Variants in HS6ST3 observed in about 807,000 individuals in gnomAD.
HS6ST3 encodes the protein heparan sulfate 6-O-sulfotransferase 3.
In HS6ST3, 12 loss-of-function variants were observed where a neutral mutation model predicts 36.7. The observed-to-expected ratio is 0.33, with a 90% CI of 0.21 to 0.53. HS6ST3 has a LOEUF of 0.53. HS6ST3 is among the 20% of genes least tolerant of loss of function. The pLI, the probability that HS6ST3 is intolerant of heterozygous loss-of-function variation, is 0.95. For missense variants in HS6ST3, 584 were observed against 640.9 expected (o/e 0.91, Z 0.96); for synonymous variants, 240 against 257.5 (o/e 0.93, Z 0.65).
chr13:96,791,606 A>G (rs942389753), intron 1 of HS6ST3, among the ~76,000 whole-genome samples: 5 of 152,062 alleles, frequency 3.3e-5, no homozygotes, highest in African/African-American at 1.2e-4. Flanking sequence ...CCCCATTGTC[A>G]TTCTCATGTG....
At chr13:96,383,704 G>A (rs2055353368) in intron 1 of HS6ST3, among the ~76,000 whole-genome samples, 1 of 138,252 alleles carries the variant, frequency 7.2e-6, no homozygotes. Flanking sequence ...GTTCTGCAAG[G>A]GGACCCCCTC....
Position 96,282,607 on chromosome 13 carries a change from A to T in HS6ST3, c.707+191038A>T, listed in dbSNP as rs766741849. The stretch of plus-strand genomic sequence containing the variant: ...CGTACAATATCTCATTAAAATATTT[A>T]GTTTATTCTATTTCTAAATACAATA... On this transcript the variant is annotated intron_variant, in intron 1 of 1. Transcript: ENST00000376705. 9.2e-5 allele frequency among the ~76,000 whole-genome samples: 14 copies of T among 152,154 alleles called. 1 individual carries two copies. Among genetic ancestry groups the T allele is most frequent in the Non-Finnish European group, 1.9e-4 (13 of 68,012 alleles).
intron 1 of HS6ST3, among the ~76,000 whole-genome samples, chr13:96,448,937 T>C (rs1025480416): frequency 6.6e-6 from 1 of 152,076 alleles, no homozygotes; most frequent in Non-Finnish European, 1.5e-5. Context: ...TCATTTTGTC[T>C]CACCTTTGGC....
rs113506669 is a variant in HS6ST3 at position 96,474,157 on chromosome 13, C to A, written c.708-358333C>A. On this transcript the variant is annotated intron_variant, in intron 1 of 1. Transcript: ENST00000376705. ...GAATCCTCTTCATTTTATGTACCCC[C>A]CTCCTTCAATTTTTTTCCTCTGTTG... 3.0e-4 allele frequency among the ~76,000 whole-genome samples: 46 copies of A among 152,250 alleles called. 2 individuals carry two copies. The Middle Eastern group carries it at 0.034, about 113-fold the overall frequency.
intron 1 of HS6ST3, among the ~76,000 whole-genome samples, chr13:96,739,139 C>A (rs1172584124): frequency 6.6e-6 from 1 of 151,366 alleles, no homozygotes; most frequent in Non-Finnish European, 1.5e-5. Context: ...GCTTTTTCCT[C>A]CTATCCCTTT....
At chr13:96,347,788 A>G (rs376075002) in intron 1 of HS6ST3, among the ~76,000 whole-genome samples, 2 of 151,896 alleles carry the variant, frequency 1.3e-5, no homozygotes, top group East Asian at 3.9e-4. Context: ...GTCGAATGAT[A>G]CTCTCCAGGT....
intron 1 of HS6ST3, among the ~76,000 whole-genome samples, chr13:96,387,281 A>C (rs1417401530): frequency 6.6e-6 from 1 of 152,156 alleles, no homozygotes; most frequent in Non-Finnish European, 1.5e-5. Flanking sequence ...TAAAAACTTG[A>C]ACACTGTGGA....
chr13:96,680,294 C>T (rs559595998), intron 1 of HS6ST3, among the ~76,000 whole-genome samples: 22 of 152,242 alleles, frequency 1.4e-4, no homozygotes, highest in African/African-American at 5.3e-4. Flanking sequence ...AATCCCTCCA[C>T]TCAACCCAAA....
At chr13:96,374,934 G>T (rs944916632) in intron 1 of HS6ST3, among the ~76,000 whole-genome samples, 2 of 152,074 alleles carry the variant, frequency 1.3e-5, no homozygotes, top group Non-Finnish European at 2.9e-5. Flanking sequence ...GTAACAAGAA[G>T]CTTCTACTTT....
At chr13:96,251,467 G>A (rs895894399) in intron 1 of HS6ST3, among the ~76,000 whole-genome samples, 5 of 151,832 alleles carry the variant, frequency 3.3e-5, no homozygotes, top group African/African-American at 1.2e-4. Context: ...ATTTATTTGA[G>A]CCATCTCTTT....
chr13:96,202,538 C>T (rs2054348142), intron 1 of HS6ST3, among the ~76,000 whole-genome samples: 1 of 152,166 alleles, frequency 6.6e-6, no homozygotes, highest in Admixed American at 6.5e-5. Context: ...TGTGCTTCAG[C>T]ATCCCTGATG....
At chr13:96,200,536 A>G (rs1440014227) in intron 1 of HS6ST3, among the ~76,000 whole-genome samples, 1 of 152,122 alleles carries the variant, frequency 6.6e-6, no homozygotes, top group East Asian at 1.9e-4. Context: ...CAACTTGGCC[A>G]TCTTTCCTCT....
intron 1 of HS6ST3, among the ~76,000 whole-genome samples, chr13:96,558,967 G>T (rs1381177346): frequency 6.6e-6 from 1 of 152,004 alleles, no homozygotes; most frequent in Non-Finnish European, 1.5e-5. Flanking sequence ...GAGAATGGTG[G>T]GCTTGTGTTT....
At chr13:96,313,596 A>G (rs80045047) in intron 1 of HS6ST3, among the ~76,000 whole-genome samples, 2,013 of 152,134 alleles carry the variant, frequency 0.013, 44 homozygotes, top group African/African-American at 0.046. Context: ...CCATTTTCCT[A>G]AATGCTGTAG....
chr13:96,684,592 G>T (rs1160045376), intron 1 of HS6ST3, among the ~76,000 whole-genome samples: 1 of 152,022 alleles, frequency 6.6e-6, no homozygotes, highest in Non-Finnish European at 1.5e-5. Flanking sequence ...AGATTCCATG[G>T]CAAAGGGAGC....
chr13:96,637,393 A>G (rs552818503), intron 1 of HS6ST3, among the ~76,000 whole-genome samples: 79 of 152,258 alleles, frequency 5.2e-4, no homozygotes, highest in Admixed American at 1.1e-3. Flanking sequence ...TACAGCACAC[A>G]TATGTGGTTT....
chr13:96,656,472 A>G (rs2056625224), intron 1 of HS6ST3, among the ~76,000 whole-genome samples: 1 of 152,184 alleles, frequency 6.6e-6, no homozygotes, highest in Non-Finnish European at 1.5e-5. Flanking sequence ...ACAGAAATCC[A>G]TTGTTGGAAC....
At chr13:96,224,463 A>G (rs1350228577) in intron 1 of HS6ST3, among the ~76,000 whole-genome samples, 3 of 152,072 alleles carry the variant, frequency 2.0e-5, no homozygotes, top group African/African-American at 7.2e-5. Flanking sequence ...CTGGGACCAT[A>G]GGCATGCCCC....
intron 1 of HS6ST3, among the ~76,000 whole-genome samples, chr13:96,409,739 G>C (rs920593606): frequency 1.2e-4 from 19 of 152,108 alleles, no homozygotes; most frequent in Non-Finnish European, 1.6e-4. Flanking sequence ...CTATTTTGCA[G>C]ATAATGGAAT....
Sources: allele counts gnomAD v4.1 joint callset (sites outside exome capture counted in the v4.1 genomes callset), GRCh38; gene constraint gnomAD v4.1.1; transcripts MANE v1.5; gene names NCBI Gene and HGNC (gene_info 2026-07-23, HGNC 2026-07-21).